Variants in ADCY8 observed in about 807,000 individuals in gnomAD.
ADCY8 encodes adenylate cyclase type 8.
A neutral mutation model predicts 119.7 loss-of-function variants in ADCY8; 51 were observed. The ratio of observed to expected loss-of-function variants is 0.43; its 90% CI spans 0.34 to 0.54. ADCY8 has a LOEUF of 0.54. Among genes scored for constraint, ADCY8 ranks in the 20% least tolerant of loss-of-function variants. The pLI is 0.03. For synonymous variants in ADCY8, 665 were observed against 651.0 expected (o/e 1.02, Z -0.33); for missense variants, 1,383 against 1,598.8 (o/e 0.87, Z 2.30).
rs1821893101 is a variant in ADCY8 at position 130,970,526 on chromosome 8, A to G, written c.1111-18528T>C. On this transcript the variant is annotated intron_variant, in intron 2 of 17. Transcript: ENST00000286355. The stretch of plus-strand genomic sequence containing the variant: ...TCATATAATTATTTCATTACATATT[A>G]CAATGTAATAATAGAAATAAAGCGC... Among the ~76,000 whole-genome samples the G allele has an allele frequency of 3.3e-5, 5 of 152,230 alleles. No homozygotes were observed. The South Asian group carries it at 8.3e-4, about 25-fold the overall frequency.
intron 3 of ADCY8, among the ~76,000 whole-genome samples, chr8:130,945,042 C>G (rs558765641): frequency 3.9e-5 from 6 of 152,048 alleles, no homozygotes; most frequent in Admixed American, 3.9e-4. Context: ...ATGTGATGAG[C>G]GAAGTGATTG....
intron 2 of ADCY8, among the ~76,000 whole-genome samples, chr8:130,966,231 T>G (rs1586613760): frequency 6.6e-6 from 1 of 152,204 alleles, no homozygotes; most frequent in Admixed American, 6.5e-5. Context: ...CTCTCACTTC[T>G]CAGCCACTAA....
In ADCY8 at chr8:130,844,541, C is replaced by T. The variant is rs562619091; in HGVS notation, c.2502+2883G>A. ...GAAACTGAGGATCACAAAGATGAAGCGATTTGCTTGGGGACACATACTTGT... is the reference window on the plus strand; with the variant it reads ...GAAACTGAGGATCACAAAGATGAAGTGATTTGCTTGGGGACACATACTTGT... On this transcript the variant is annotated intron_variant, in intron 11 of 17. Coordinates refer to ENST00000286355, the MANE Select transcript of ADCY8 (RefSeq NM_001115.3). Among the ~76,000 whole-genome samples, 161 of 152,206 alleles carry T rather than the reference C, an allele frequency of 1.1e-3. 1 individual carries two copies. The highest frequency in any genetic ancestry group is 3.7e-3 in the African/African-American group (153 of 41,542).
rs550248852 is a variant in ADCY8, at chr8:130,862,703, G to A, written c.2210+5143C>T. Among the ~76,000 whole-genome samples the A allele has an allele frequency of 4.0e-3, 608 of 152,242 alleles. 4 individuals are homozygous for A. The highest frequency in any genetic ancestry group is 0.01 in the Middle Eastern group (3 of 294). ...GCTGGGATTACAGGCGTGAGCCACCGCGCCTGGCCCAAAATATTTTTAAAT... is the reference window on the plus strand; with the variant it reads ...GCTGGGATTACAGGCGTGAGCCACCACGCCTGGCCCAAAATATTTTTAAAT... On this transcript the variant is annotated intron_variant, in intron 9 of 17. Transcript: ENST00000286355.
Position 130,974,043 on chromosome 8 carries a change from G to C in ADCY8, c.1110+16350C>G, listed in dbSNP as rs74756853. On this transcript the variant is annotated intron_variant, in intron 2 of 17. Transcript: ENST00000286355. ...AGCCAATACTCTTTTGAATACTCTT[G>C]ATAATATGTGTATACAAAGTGCTTC... Among the ~76,000 whole-genome samples the C allele has an allele frequency of 6.0e-4, 92 of 152,296 alleles. 1 individual carries two copies. In the East Asian group the frequency reaches 0.012, roughly 20 times the overall value.
rs1563675669 is a variant in ADCY8, at chr8:130,814,176, C to G, written c.2806G>C (p.Glu936Gln). 6.2e-7 allele frequency: 1 copy of G among 1,614,154 alleles called. No individual in the cohort carries two copies. ...CTCAGCTCCTTCATCTCATTGATCT[C>G]CTCTTTGGCCTGTACTCGCCAAAGG... is the stretch of plus-strand genomic sequence containing the variant. The part of the protein sequence containing the change: ...DFLWRVQAKE[E>Q]INEMKELREH... The change falls in exon 14 of 18, where the codon GAG becomes CAG. Residue 936 changes from glutamate to glutamine, a missense_variant. Glu to Gln is a conservative substitution (Grantham distance 29). Around this residue, in one of 2 missense-constraint regions of ADCY8, gnomAD observed 928 missense variants for 1,163.5 expected, o/e 0.80. Coordinates refer to ENST00000286355, the MANE Select transcript of ADCY8 (RefSeq NM_001115.3).
intron 5 of ADCY8, among the ~76,000 whole-genome samples, chr8:130,924,168 C>G (rs578157994): frequency 2.3e-4 from 35 of 152,310 alleles, no homozygotes; most frequent in African/African-American, 8.2e-4. Flanking sequence ...CTGCCACTGA[C>G]TAGTCATGTG....
intron 9 of ADCY8, among the ~76,000 whole-genome samples, chr8:130,865,969 T>C (rs968340883): frequency 6.6e-5 from 10 of 152,142 alleles, no homozygotes; most frequent in African/African-American, 2.4e-4. Context: ...ACAGCACTTC[T>C]CAGTGCATAT....
chr8:130,969,590 C>A (rs1275898335), intron 2 of ADCY8, among the ~76,000 whole-genome samples: 1 of 152,164 alleles, frequency 6.6e-6, no homozygotes, highest in Non-Finnish European at 1.5e-5. Flanking sequence ...CAGAACTTCC[C>A]AAATGTGTTC....
chr8:130,871,627 T>C (rs1466983496), intron 8 of ADCY8, among the ~76,000 whole-genome samples: 1 of 152,232 alleles, frequency 6.6e-6, no homozygotes, highest in African/African-American at 2.4e-5. Flanking sequence ...GCCTTTTCAA[T>C]GGTGTTGCCT....
At chr8:130,983,730 G>T (rs1034543296) in intron 2 of ADCY8, among the ~76,000 whole-genome samples, 1 of 152,118 alleles carries the variant, frequency 6.6e-6, no homozygotes, top group African/African-American at 2.4e-5. Flanking sequence ...TCCAAATTAG[G>T]CACTAAGAAG....
intron 5 of ADCY8, among the ~76,000 whole-genome samples, chr8:130,922,413 T>C (rs1025435698): frequency 4.0e-5 from 6 of 151,830 alleles, no homozygotes; most frequent in Non-Finnish European, 7.4e-5. Context: ...TGATGACTCT[T>C]AACGAGCATG....
At chr8:130,909,097 A>G (rs1819891931) in intron 6 of ADCY8, among the ~76,000 whole-genome samples, 1 of 152,056 alleles carries the variant, frequency 6.6e-6, no homozygotes, top group South Asian at 2.1e-4. Flanking sequence ...AGAAAATCAC[A>G]CTGGCTCACA....
At chr8:130,842,644 A>T (rs56817730) in intron 11 of ADCY8, among the ~76,000 whole-genome samples, 2 of 152,046 alleles carry the variant, frequency 1.3e-5, no homozygotes, top group African/African-American at 4.8e-5. Context: ...AGGCCCAGGC[A>T]GGTGGGTCAC....
At chr8:131,025,935 A>G (rs1434704041) in intron 1 of ADCY8, among the ~76,000 whole-genome samples, 1 of 152,240 alleles carries the variant, frequency 6.6e-6, no homozygotes, top group Non-Finnish European at 1.5e-5. Flanking sequence ...ATGACTGTCT[A>G]TAACTCTAGA....
At chr8:130,822,899 G>T (rs1327801386) in intron 12 of ADCY8, among the ~76,000 whole-genome samples, 1 of 152,144 alleles carries the variant, frequency 6.6e-6, no homozygotes, top group Non-Finnish European at 1.5e-5. Flanking sequence ...TTATGTGCTT[G>T]GCACAGTGCC....
chr8:130,883,941 C>G (rs1818878430), intron 8 of ADCY8, among the ~76,000 whole-genome samples: 1 of 152,144 alleles, frequency 6.6e-6, no homozygotes, highest in South Asian at 2.1e-4. Context: ...ATTCATTATC[C>G]TCATCATACA....
At chr8:130,851,371 G>T (rs1002681053) in intron 9 of ADCY8, among the ~76,000 whole-genome samples, 1 of 152,128 alleles carries the variant, frequency 6.6e-6, no homozygotes, top group African/African-American at 2.4e-5. Context: ...GGTGACATTG[G>T]GTTAGGCTGT....
intron 15 of ADCY8, among the ~76,000 whole-genome samples, chr8:130,789,274 C>G (rs923413374): frequency 1.3e-5 from 2 of 152,182 alleles, no homozygotes; most frequent in Non-Finnish European, 2.9e-5. Context: ...GCTGGCTAAT[C>G]TCAATGTCTG....
Sources: allele counts gnomAD v4.1 joint callset (sites outside exome capture counted in the v4.1 genomes callset), GRCh38; gene constraint gnomAD v4.1.1; regional missense constraint gnomAD v4.1.1; transcripts MANE v1.5; gene names NCBI Gene and HGNC (gene_info 2026-07-23, HGNC 2026-07-21).